ENOX1: variants seen among roughly 807,000 people sequenced by gnomAD.
ENOX1 encodes ecto-NOX disulfide-thiol exchanger 1.
In ENOX1, 42 loss-of-function variants were observed where a neutral mutation model predicts 82.5. The observed-to-expected ratio is 0.51, with a 90% CI of 0.40 to 0.66. ENOX1 has a LOEUF of 0.66. Ranked by LOEUF, ENOX1 falls within the 30% of genes least tolerant of loss-of-function variation. The probability of loss-of-function intolerance (pLI) is 0.00; values close to 1 mark genes in which losing one functional copy is unlikely to be tolerated. For synonymous variants in ENOX1, 271 were observed against 282.2 expected (o/e 0.96, Z 0.40); for missense variants, 608 against 811.6 (o/e 0.75, Z 3.05).
intron 2 of ENOX1, among the ~76,000 whole-genome samples, chr13:43,662,804 C>T (rs1193969708): frequency 6.6e-6 from 1 of 152,180 alleles, no homozygotes; most frequent in East Asian, 1.9e-4. Flanking sequence ...GTATATGGCC[C>T]TTCCCTTCAA....
chr13:43,440,026 A>C (rs1472790986), intron 3 of ENOX1, among the ~76,000 whole-genome samples: 2 of 152,236 alleles, frequency 1.3e-5, no homozygotes, highest in Admixed American at 1.3e-4. Context: ...TTTGACTCCC[A>C]AAATTTTTAT....
intron 16 of ENOX1, among the ~76,000 whole-genome samples, chr13:43,219,307 T>C (rs1249900017): frequency 1.3e-5 from 2 of 152,062 alleles, no homozygotes; most frequent in African/African-American, 2.4e-5. Context: ...ATACACGTGG[T>C]TAAGGGAGCA....
At chr13:43,645,859 A>G (rs1009379203) in intron 2 of ENOX1, among the ~76,000 whole-genome samples, 4 of 152,194 alleles carry the variant, frequency 2.6e-5, no homozygotes, top group Non-Finnish European at 1.5e-5. Flanking sequence ...ACAATTCTCT[A>G]CCCTGTGGTA....
intron 8 of ENOX1, among the ~76,000 whole-genome samples, chr13:43,354,211 G>A (rs537872711): frequency 1.3e-5 from 2 of 152,288 alleles, no homozygotes; most frequent in East Asian, 3.9e-4. Flanking sequence ...CACTCCTTAT[G>A]GTTTCTAGGC....
intron 11 of ENOX1, among the ~76,000 whole-genome samples, chr13:43,317,390 T>C (rs2047564116): frequency 6.6e-6 from 1 of 152,154 alleles, no homozygotes; most frequent in African/African-American, 2.4e-5. Flanking sequence ...AGTGAGCCTC[T>C]TCTTAAGCTT....
intron 11 of ENOX1, among the ~76,000 whole-genome samples, chr13:43,311,519 C>T (rs1037208143): frequency 2.6e-5 from 4 of 152,146 alleles, no homozygotes; most frequent in African/African-American, 7.2e-5. Flanking sequence ...CAAGTTTATG[C>T]TCTCACACTT....
At chr13:43,366,204 A>G (rs544766969) in intron 5 of ENOX1, among the ~76,000 whole-genome samples, 1 of 152,268 alleles carries the variant, frequency 6.6e-6, no homozygotes, top group Non-Finnish European at 1.5e-5. Context: ...TGAACAGCAG[A>G]GGAAAAGTGA....
rs931286092 is a variant in ENOX1, at chr13:43,627,339, T to C, written c.-219+40140A>G. On this transcript the variant is annotated intron_variant, in intron 2 of 16. Coordinates refer to ENST00000690772, the MANE Select transcript of ENOX1 (RefSeq NM_001347969.2). ...TTTTTTGTTCTGCTTTTCATCTCTG[T>C]TTTTTCTTGTGTTCCAAGTAAGTTA... Among the ~76,000 whole-genome samples, 24 of 152,002 alleles carry C rather than the reference T, an allele frequency of 1.6e-4. 1 individual carries two copies. Among genetic ancestry groups the C allele is most frequent in the Non-Finnish European group, 3.5e-4 (24 of 67,882 alleles).
intron 5 of ENOX1, among the ~76,000 whole-genome samples, chr13:43,396,294 T>C (rs2053144834): frequency 6.6e-6 from 1 of 152,216 alleles, no homozygotes; most frequent in Non-Finnish European, 1.5e-5. Flanking sequence ...CATGGCTGTA[T>C]GTGTGACTGA....
chr13:43,337,040 C>T (rs924476036), intron 9 of ENOX1, among the ~76,000 whole-genome samples: 1 of 152,210 alleles, frequency 6.6e-6, no homozygotes, highest in African/African-American at 2.4e-5. Context: ...TACTCTAATA[C>T]TCCTACTGTA....
At chr13:43,620,034 G>A (rs2082655327) in intron 2 of ENOX1, among the ~76,000 whole-genome samples, 1 of 152,008 alleles carries the variant, frequency 6.6e-6, no homozygotes, top group Non-Finnish European at 1.5e-5. Context: ...TCTAGTTTAT[G>A]TGTGTAAAGG....
chr13:43,270,138 C>G (rs1342940143), intron 12 of ENOX1, among the ~76,000 whole-genome samples: 1 of 152,200 alleles, frequency 6.6e-6, no homozygotes, highest in African/African-American at 2.4e-5. Context: ...ATGGCCTACA[C>G]TGCTATTTTT....
intron 12 of ENOX1, among the ~76,000 whole-genome samples, chr13:43,280,830 C>T (rs1367574088): frequency 2.0e-5 from 3 of 152,142 alleles, no homozygotes; most frequent in East Asian, 1.9e-4. Context: ...TAGCTCTGAA[C>T]TTAGCACATT....
intron 5 of ENOX1, among the ~76,000 whole-genome samples, chr13:43,411,024 A>C (rs2054096997): frequency 6.6e-6 from 1 of 152,090 alleles, no homozygotes; most frequent in South Asian, 2.1e-4. Context: ...TGAATATACA[A>C]ATCCTACTCA....
intron 2 of ENOX1, among the ~76,000 whole-genome samples, chr13:43,499,734 C>G (rs1163577753): frequency 6.6e-6 from 1 of 151,922 alleles, no homozygotes; most frequent in Admixed American, 6.6e-5. Flanking sequence ...ACCAAAAAGA[C>G]AAAATAAAGC....
chr13:43,501,629 T>C (rs2076983335), intron 2 of ENOX1, among the ~76,000 whole-genome samples: 1 of 150,936 alleles, frequency 6.6e-6, no homozygotes, highest in African/African-American at 2.4e-5. Flanking sequence ...TACATGGAAA[T>C]TTGAAAACAC....
Position 43,355,899 on chromosome 13 carries a change from C to T in ENOX1, c.823+20G>A, listed in dbSNP as rs753849649. The stretch of plus-strand genomic sequence containing the variant: ...GGGGATCCCTGTGGAGGAAGAAAAG[C>T]CAGCGTGGGTGGCCCATACCTTTCA... On this transcript the variant is annotated intron_variant, in intron 8 of 16. Transcript: ENST00000690772. 9 of 1,596,532 alleles carry T rather than the reference C, an allele frequency of 5.6e-6. No homozygotes were observed. The highest frequency in any genetic ancestry group is 1.7e-4 in the Middle Eastern group (1 of 5,920).
chr13:43,340,935 A>G (rs1028433549), intron 9 of ENOX1, among the ~76,000 whole-genome samples: 1 of 152,214 alleles, frequency 6.6e-6, no homozygotes, highest in Non-Finnish European at 1.5e-5. Flanking sequence ...GATGCCTGCT[A>G]TAATAACTAA....
chr13:43,377,590 A>T (rs562934648), intron 5 of ENOX1, among the ~76,000 whole-genome samples: 2 of 152,302 alleles, frequency 1.3e-5, no homozygotes, highest in South Asian at 4.1e-4. Flanking sequence ...GGGACTCCAG[A>T]TGAATTGTGG....
Sources: allele counts gnomAD v4.1 joint callset (sites outside exome capture counted in the v4.1 genomes callset), GRCh38; gene constraint gnomAD v4.1.1; transcripts MANE v1.5; gene names NCBI Gene and HGNC (gene_info 2026-07-23, HGNC 2026-07-21).